Variants in COL17A1 observed in about 807,000 individuals in gnomAD.
COL17A1 encodes collagen type XVII alpha 1 chain.
COL17A1 carries 181 observed loss-of-function variants against 218.4 expected under a neutral mutation model. The observed-to-expected ratio is 0.83, with a 90% CI of 0.73 to 0.94. The LOEUF is 0.94. Ranked by LOEUF, COL17A1 falls within the 40% of genes least tolerant of loss-of-function variation. The pLI is 0.00. For synonymous variants in COL17A1, 721 were observed against 731.0 expected, an observed-to-expected ratio of 0.99 and a Z score of 0.22; for missense variants, 1,924 against 1,945.9, an observed-to-expected ratio of 0.99 and a Z score of 0.21.
In COL17A1 at chr10:104,064,610, C is replaced by T. The variant is rs1404569232; in HGVS notation, c.608-14G>A. Reference sequence around the variant, plus strand: ...AGGTGCCTGACACTGGAAACAGACACATGCACACACCCCAGTGAGAGACAA... The same window carrying T: ...AGGTGCCTGACACTGGAAACAGACATATGCACACACCCCAGTGAGAGACAA... On this transcript the variant is annotated splice_polypyrimidine_tract_variant and intron_variant, in intron 9 of 55. Coordinates refer to ENST00000648076, the MANE Select transcript of COL17A1 (RefSeq NM_000494.4). 3 of 1,608,016 alleles carry T rather than the reference C, an allele frequency of 1.9e-6. No homozygotes were observed. The highest frequency in any genetic ancestry group is 2.6e-6 in the Non-Finnish European group (3 of 1,176,276).
chr10:104,033,052 G>A, intron 53 of COL17A1, 84 bp from the exon 54 acceptor site: 2 of 1,547,674 alleles, frequency 1.3e-6, no homozygotes, highest in South Asian at 2.3e-5. Flanking sequence ...GAGTAACACA[G>A]AGAGATAGTG....
intron 44 of COL17A1, among the ~76,000 whole-genome samples, 175 bp downstream of exon 44, chr10:104,038,896 C>A (rs1341620741): frequency 1.3e-5 from 2 of 152,154 alleles, no homozygotes; most frequent in East Asian, 1.9e-4. Flanking sequence ...TCCCCTCAAC[C>A]CAATAACTCG....
chr10:104,055,260 C>G (rs781167066), intron 19 of COL17A1, 112 bp downstream of exon 19: 17 of 1,553,852 alleles, frequency 1.1e-5, no homozygotes, highest in Admixed American at 1.0e-4. Flanking sequence ...TAAGATCATT[C>G]AGCTCTTCAT....
intron 50 of COL17A1, among the ~76,000 whole-genome samples, 160 bp downstream of exon 50, chr10:104,035,103 C>T (rs946088295): frequency 6.6e-6 from 1 of 152,228 alleles, no homozygotes; most frequent in Non-Finnish European, 1.5e-5. Flanking sequence ...CCTGCCACGG[C>T]TGAAGGCCCC....
At chr10:104,071,718 A>G (rs941647221) in intron 8 of COL17A1, among the ~76,000 whole-genome samples, 3 of 151,874 alleles carry the variant, frequency 2.0e-5, no homozygotes, top group Admixed American at 6.5e-5. Context: ...CCTGATCTCC[A>G]TGGGCTGCCG....
chr10:104,072,182 C>T (rs895225394), intron 7 of COL17A1, 103 bp from the exon 8 acceptor site: 1 of 1,518,820 alleles, frequency 6.6e-7, no homozygotes, highest in South Asian at 1.2e-5. Flanking sequence ...GCTGCTCTGA[C>T]ATTTCTGAGC....
chr10:104,078,011 G>C (rs924313320), intron 3 of COL17A1, among the ~76,000 whole-genome samples: 1 of 152,160 alleles, frequency 6.6e-6, no homozygotes, highest in African/African-American at 2.4e-5. Flanking sequence ...TCACCTGCTG[G>C]TGGGTGGGCT....
In COL17A1 at chr10:104,032,237, A is replaced by G; in HGVS notation, c.4492T>C (p.Ter1498ArgextTer26). Residue 1498 changes from the stop codon to arginine (R), a stop_lost, in exon 56 of 56, where the codon TGA (stop) becomes CGA (arginine). Transcript: ENST00000648076. Reference sequence around the variant, plus strand: ...GGAGCTGTCCTGCCATGGCTAGCTCACGGCTTGACAGCAATACTTCTTCTC... The same window carrying G: ...GGAGCTGTCCTGCCATGGCTAGCTCGCGGCTTGACAGCAATACTTCTTCTC... ...RRRRSIAVKP[*>R] The G allele has an allele frequency of 6.2e-7, 1 of 1,613,766 alleles. No homozygotes were observed. Among genetic ancestry groups the G allele is most frequent in the African/African-American group, 1.3e-5 (1 of 75,044 alleles).
intron 35 of COL17A1, 136 bp from the exon 36 acceptor site, chr10:104,042,591 T>TTCGAGA: frequency 1.2e-6 from 1 of 844,966 alleles, no homozygotes; most frequent in Non-Finnish European, 2.0e-6. Flanking sequence ...CAATAAGCAA[T>TTCGAGA]TCGAGATCAG....
chr10:104,034,287 G>A lies in COL17A1; in HGVS notation c.3814C>T (p.Pro1272Ser), dbSNP rs772301107. Residue 1272 changes from proline (P) to serine (S), a missense_variant, in exon 52 of 56, where the codon CCG becomes TCG. By Grantham distance (74) the Pro-to-Ser change is moderately conservative. Transcript: ENST00000648076. Reference sequence around the variant, plus strand: ...CGGCTGTCCCCAGGGGGTCCCTGCGGCCCAGGAGGGCCTGGGGGGCCAACA... The same window carrying A: ...CGGCTGTCCCCAGGGGGTCCCTGCGACCCAGGAGGGCCTGGGGGGCCAACA... The part of the protein sequence containing the change: ...FIVGPPGPPG[P>S]QGPPGDSRLL... 1.3e-6 allele frequency: 2 copies of A among 1,585,018 alleles called. No homozygotes were observed. The highest frequency in any genetic ancestry group is 1.7e-6 in the Non-Finnish European group (2 of 1,168,698).
At chr10:104,083,901 A>G (rs2086785723) in intron 1 of COL17A1, among the ~76,000 whole-genome samples, 1 of 152,198 alleles carries the variant, frequency 6.6e-6, no homozygotes, top group African/African-American at 2.4e-5. Flanking sequence ...CTATTACTCC[A>G]TTCTCTATAC....
At chr10:104,043,669 G>A (rs2086382859) in intron 34 of COL17A1, 88 bp from the exon 35 acceptor site, 2 of 1,528,650 alleles carry the variant, frequency 1.3e-6, no homozygotes, top group African/African-American at 2.7e-5. Flanking sequence ...TGGGCAGCCT[G>A]GCATTTCTTC....
chr10:104,033,933 G>A lies in COL17A1; in HGVS notation c.4156+12C>T, dbSNP rs1391065441. The stretch of plus-strand genomic sequence containing the variant: ...TTCCCCCCAGCACCAAGGCCTAAAT[G>A]TCCCCACTTACGCTGCATGCTCTCT... On this transcript the variant is annotated intron_variant, in intron 52 of 55. Coordinates refer to ENST00000648076, the MANE Select transcript of COL17A1 (RefSeq NM_000494.4). The A allele has an allele frequency of 3.1e-6, 5 of 1,613,982 alleles. No homozygotes were observed. The African/African-American group carries it at 4.0e-5, about 13-fold the overall frequency.
At chr10:104,070,160 C>T (rs887720945) in intron 9 of COL17A1, among the ~76,000 whole-genome samples, 1 of 152,156 alleles carries the variant, frequency 6.6e-6, no homozygotes, top group Non-Finnish European at 1.5e-5. Flanking sequence ...AAACCTCTAC[C>T]CCCTAAACCA....
chr10:104,043,943 G>A (rs2134591430), intron 33 of COL17A1, 83 bp from the exon 34 acceptor site: 1 of 1,489,252 alleles, frequency 6.7e-7, no homozygotes. Flanking sequence ...GCTTCTGATT[G>A]CATTTGGGAC....
Position 104,053,125 on chromosome 10 carries a change from G to T in COL17A1, c.1845C>A (p.Gly615=). 6.2e-7 allele frequency: 1 copy of T among 1,613,198 alleles called. No individual in the cohort carries two copies. The highest frequency in any genetic ancestry group is 8.5e-7 in the Non-Finnish European group (1 of 1,180,004). ...CTCTCTGGCCCATGGGGCCTTCCATGCCAGGATCTCCTAAAGACAGGGATG... is the reference window on the plus strand; with the variant it reads ...CTCTCTGGCCCATGGGGCCTTCCATTCCAGGATCTCCTAAAGACAGGGATG... ...KGQKGSVGDP[G]MEGPMGQRGR... is the part of the protein sequence containing the mutation. Residue 615 remains glycine (G), a synonymous_variant, in exon 23 of 56, where the codon GGC becomes GGA. Coordinates refer to ENST00000648076, the MANE Select transcript of COL17A1 (RefSeq NM_000494.4).
At chr10:104,040,572 GGATGGATGGATGGATGGATGGATGGATA>G (rs2086348840) in intron 39 of COL17A1, among the ~76,000 whole-genome samples, 162 bp from the exon 40 acceptor site, 2 of 142,172 alleles carry the variant, frequency 1.4e-5, no homozygotes, top group Non-Finnish European at 3.1e-5. Context: ...GCGGGTGGGT[GGATGGATGGATGGATGGATGGATGGATA>G]GGTGGATGGA....
In COL17A1 at chr10:104,034,323, G is replaced by C. The variant is rs770168630; in HGVS notation, c.3778C>G (p.Arg1260Gly). ...LISYLTSPDVRSFIVGPPGPP... is the reference protein window; with the variant it reads ...LISYLTSPDVGSFIVGPPGPP... ...CCTGGGGGGCCAACAATGAAGCTGC[G>C]CACATCAGGACCTGCAGGGTGAGAA... The change falls in exon 52 of 56, where the codon CGC becomes GGC. Residue 1260 changes from arginine (R) to glycine (G), a missense_variant. Physicochemically the swap from Arg to Gly is moderately radical, Grantham distance 125 (BLOSUM62 -2). Transcript: ENST00000648076. The C allele has an allele frequency of 3.8e-6, 6 of 1,559,886 alleles. No individual in the cohort carries two copies. In the Admixed American group the frequency reaches 5.6e-5, roughly 15 times the overall value.
intron 32 of COL17A1, 63 bp downstream of exon 32, chr10:104,046,684 G>T (rs148448096): frequency 5.1e-5 from 79 of 1,546,366 alleles, no homozygotes; most frequent in Non-Finnish European, 7.1e-5. Flanking sequence ...GAAAAGCCCT[G>T]GCCCAAGCAG....
Sources: gnomAD v4.1 joint callset for allele counts (sites outside exome capture counted in the v4.1 genomes callset) on GRCh38, gnomAD v4.1.1 for gene constraint, MANE v1.5 for transcripts, NCBI Gene and HGNC (gene_info 2026-07-23, HGNC 2026-07-21) for gene names.